Variants in FRS2 observed in about 807,000 individuals in gnomAD.
FRS2 encodes the protein fibroblast growth factor receptor substrate 2, also known as FGFR signalling adaptor.
FRS2 carries 8 observed loss-of-function variants against 43.9 expected under a neutral mutation model. That is an observed-to-expected ratio of 0.18 (90% CI 0.11 to 0.33). The LOEUF is 0.33. Among genes scored for constraint, FRS2 ranks in the 10% least tolerant of loss-of-function variants. The pLI, the probability that FRS2 is intolerant of heterozygous loss-of-function variation, is 1.00. For missense variants in FRS2, 534 were observed against 627.6 expected (o/e 0.85, Z 1.59); for synonymous variants, 219 against 220.3 (o/e 0.99, Z 0.05).
intron 3 of FRS2, among the ~76,000 whole-genome samples, chr12:69,559,871 G>A (rs964652932): frequency 6.6e-6 from 1 of 151,320 alleles, no homozygotes; most frequent in African/African-American, 2.4e-5. Flanking sequence ...ATAAAACATG[G>A]CAGTTTTCTG....
intron 1 of FRS2, among the ~76,000 whole-genome samples, chr12:69,499,870 G>T (rs542498): frequency 1.3e-5 from 2 of 151,976 alleles, no homozygotes; most frequent in Non-Finnish European, 2.9e-5. Flanking sequence ...TTGGAATCTG[G>T]AGCTTAGTTG....
At chr12:69,503,542 G>A (rs556561139) in intron 1 of FRS2, among the ~76,000 whole-genome samples, 6 of 152,212 alleles carry the variant, frequency 3.9e-5, no homozygotes, top group Admixed American at 1.3e-4. Context: ...TGATGCAGTC[G>A]CCTCTTGTGT....
chr12:69,484,379 C>T (rs954863563), intron 1 of FRS2, among the ~76,000 whole-genome samples: 7 of 152,256 alleles, frequency 4.6e-5, no homozygotes, highest in South Asian at 2.1e-4. Context: ...CCACTGCACC[C>T]GGCCTGGAAA....
At chr12:69,498,378 A>G (rs1310287280) in intron 1 of FRS2, among the ~76,000 whole-genome samples, 2 of 152,152 alleles carry the variant, frequency 1.3e-5, no homozygotes, top group Non-Finnish European at 2.9e-5. Flanking sequence ...AAGTTTTGAG[A>G]TGAGTTGAGT....
chr12:69,499,539 C>A (rs535350734), intron 1 of FRS2, among the ~76,000 whole-genome samples: 2 of 152,118 alleles, frequency 1.3e-5, no homozygotes, highest in East Asian at 1.9e-4. Context: ...GCCCTCCACC[C>A]TCCAATTTTG....
intron 1 of FRS2, among the ~76,000 whole-genome samples, chr12:69,513,743 C>T (rs974966750): frequency 1.1e-4 from 17 of 151,990 alleles, no homozygotes; most frequent in Admixed American, 9.2e-4. Flanking sequence ...GGTGGGGCTC[C>T]TCAAGTGTAA....
chr12:69,555,169 C>T (rs1042765539), intron 3 of FRS2, among the ~76,000 whole-genome samples: 5 of 151,922 alleles, frequency 3.3e-5, no homozygotes, highest in Non-Finnish European at 5.9e-5. Flanking sequence ...CTCAGCCTCC[C>T]GAGTAGCTGG....
At chr12:69,471,002 G>T (rs1358395622) in intron 1 of FRS2, among the ~76,000 whole-genome samples, 2 of 152,088 alleles carry the variant, frequency 1.3e-5, no homozygotes, top group Non-Finnish European at 2.9e-5. Context: ...TCCCTCCAGG[G>T]TGGGGCGCTG....
chr12:69,552,343 G>T (rs11177714), intron 3 of FRS2, among the ~76,000 whole-genome samples: 47,875 of 140,760 alleles, frequency 0.34, 8,213 homozygotes, highest in South Asian at 0.59. Context: ...TCTCAGCTTT[G>T]ATTAAAAACA....
intron 1 of FRS2, among the ~76,000 whole-genome samples, chr12:69,508,157 A>G (rs1443156642): frequency 6.6e-6 from 1 of 151,074 alleles, no homozygotes; most frequent in Non-Finnish European, 1.5e-5. Flanking sequence ...GTAGCCTTTC[A>G]GTCTGTCCAT....
chr12:69,549,149 C>T (rs1446889875), intron 3 of FRS2, among the ~76,000 whole-genome samples: 1 of 152,086 alleles, frequency 6.6e-6, no homozygotes, highest in African/African-American at 2.4e-5. Flanking sequence ...TGACATTAAA[C>T]AGAATTAGTA....
intron 1 of FRS2, among the ~76,000 whole-genome samples, chr12:69,528,265 T>C (rs1876455613): frequency 1.3e-5 from 2 of 152,324 alleles, no homozygotes; most frequent in African/African-American, 4.8e-5. Flanking sequence ...CATCCTACCA[T>C]GTCATAGCTA....
intron 8 of FRS2, 94 bp from the exon 9 acceptor site, chr12:69,573,911 A>T: frequency 1.3e-6 from 1 of 760,070 alleles, no homozygotes; most frequent in Non-Finnish European, 2.1e-6. Flanking sequence ...AATACAGTTA[A>T]CTGTTGTCAA....
At chr12:69,496,136 C>T (rs1169654404) in intron 1 of FRS2, among the ~76,000 whole-genome samples, 1 of 151,982 alleles carries the variant, frequency 6.6e-6, no homozygotes. Flanking sequence ...CATGGATTTA[C>T]ACTTAAAGCT....
At chr12:69,510,288 C>A (rs2135571640) in intron 1 of FRS2, among the ~76,000 whole-genome samples, 1 of 152,262 alleles carries the variant, frequency 6.6e-6, no homozygotes, top group East Asian at 1.9e-4. Flanking sequence ...TCTCTGAGTG[C>A]CCTCGGTAGA....
At chr12:69,569,345 ATTTTACGGGGTGCCTT>A (rs1880558399) in intron 5 of FRS2, among the ~76,000 whole-genome samples, 1 of 152,050 alleles carries the variant, frequency 6.6e-6, no homozygotes. Context: ...TTAAAATGCC[ATTTTACGGGGTGCCTT>A]TTCAATCTCA....
intron 3 of FRS2, among the ~76,000 whole-genome samples, chr12:69,538,197 T>A (rs200562628): frequency 0.014 from 1,139 of 81,426 alleles, 46 homozygotes; most frequent in African/African-American, 0.055. Context: ...AAAACAAATT[T>A]TATATATATA....
chr12:69,521,165 A>G (rs904276209), intron 1 of FRS2, among the ~76,000 whole-genome samples: 1 of 152,048 alleles, frequency 6.6e-6, no homozygotes, highest in Admixed American at 6.6e-5. Flanking sequence ...GTGTGTGGCA[A>G]TTGTGAACAG....
At chr12:69,550,111 A>G (rs1027312906) in intron 3 of FRS2, among the ~76,000 whole-genome samples, 2 of 152,206 alleles carry the variant, frequency 1.3e-5, no homozygotes, top group Non-Finnish European at 2.9e-5. Flanking sequence ...ATCAAAGTAC[A>G]TTCAAAACTG....
Sources: allele counts gnomAD v4.1 joint callset (sites outside exome capture counted in the v4.1 genomes callset), GRCh38; gene constraint gnomAD v4.1.1; transcripts MANE v1.5; gene names NCBI Gene and HGNC (gene_info 2026-07-23, HGNC 2026-07-21).